Variants in CACNA2D1 observed in about 807,000 individuals in gnomAD.
CACNA2D1 encodes the protein calcium voltage-gated channel auxiliary subunit alpha2delta 1, also known as voltage-dependent calcium channel subunit alpha-2/delta-1.
A neutral mutation model predicts 171.5 loss-of-function variants in CACNA2D1; 53 were observed. That is an observed-to-expected ratio of 0.31 (90% CI 0.25 to 0.39). The LOEUF (loss-of-function observed/expected upper bound fraction) is 0.39. CACNA2D1 is among the 10% of genes least tolerant of loss of function. The pLI is 1.00. For synonymous variants in CACNA2D1, 442 were observed against 443.1 expected, an observed-to-expected ratio of 1.00 and a Z score of 0.03; for missense variants, 903 against 1,299.8, an observed-to-expected ratio of 0.69 and a Z score of 4.69.
intron 3 of CACNA2D1, among the ~76,000 whole-genome samples, chr7:82,291,022 A>G (rs1016847176): frequency 6.9e-6 from 1 of 145,054 alleles, no homozygotes; most frequent in African/African-American, 2.5e-5. Flanking sequence ...GTTGCCCAAG[A>G]TGGAGTACAG....
rs575183583 is a variant in CACNA2D1 at position 82,074,725 on chromosome 7, T to C, written c.659-8201A>G. 2.6e-3 allele frequency among the ~76,000 whole-genome samples: 396 copies of C among 152,326 alleles called. 4 individuals carry two copies. The highest frequency in any genetic ancestry group is 0.02 in the South Asian group (97 of 4,828). On this transcript the variant is annotated intron_variant, in intron 7 of 38. Coordinates refer to ENST00000356860, the MANE Select transcript of CACNA2D1 (RefSeq NM_000722.4). ...GTTCTTATCAGTCTTTCCTCCTTCG[T>C]CCAGACTTAATTACACTGATCTAAT... is the stretch of plus-strand genomic sequence containing the variant.
rs1806652375 is a variant in CACNA2D1, at chr7:82,060,223, A to AATT, written c.879+204_879+205insAAT. ...ATATTATATATATAATATATATATA[A>AATT]TATATATATATAATATGTATAAAAA... is the stretch of plus-strand genomic sequence containing the variant. On this transcript the variant is annotated intron_variant, in intron 10 of 38. Coordinates refer to ENST00000356860, the MANE Select transcript of CACNA2D1 (RefSeq NM_000722.4). Among the ~76,000 whole-genome samples the AATT allele has an allele frequency of 2.3e-4, 4 of 17,380 alleles. 1 individual carries two copies. In the South Asian group the frequency reaches 6.6e-3, roughly 29 times the overall value. 11.4% of individuals were successfully genotyped at this position (17,380 alleles called of 152,430 possible). A position where few individuals can be genotyped will look rare whatever the true frequency, so the allele number is the denominator to read the frequency against.
chr7:82,053,080 G>A (rs1343866161), intron 10 of CACNA2D1, among the ~76,000 whole-genome samples: 5 of 151,804 alleles, frequency 3.3e-5, no homozygotes, highest in Admixed American at 6.6e-5. Flanking sequence ...GTGAAACCCC[G>A]TCTCTACTAA....
At chr7:82,155,867 T>C (rs1285633216) in intron 4 of CACNA2D1, among the ~76,000 whole-genome samples, 1 of 152,208 alleles carries the variant, frequency 6.6e-6, no homozygotes, top group Non-Finnish European at 1.5e-5. Context: ...CAACTACAAG[T>C]TGAGGAAAAA....
At chr7:82,266,586 G>T (rs546975723) in intron 3 of CACNA2D1, among the ~76,000 whole-genome samples, 43 of 151,166 alleles carry the variant, frequency 2.8e-4, no homozygotes, top group Non-Finnish European at 3.8e-4. Flanking sequence ...GTGTGATCTC[G>T]GCTCACTGCA....
intron 6 of CACNA2D1, among the ~76,000 whole-genome samples, chr7:82,115,941 G>C (rs1178786166): frequency 6.6e-6 from 1 of 152,096 alleles, no homozygotes; most frequent in African/African-American, 2.4e-5. Flanking sequence ...CCATTTTACA[G>C]ATGAGAAAAT....
intron 1 of CACNA2D1, among the ~76,000 whole-genome samples, chr7:82,425,317 A>G (rs1166740824): frequency 3.9e-5 from 6 of 152,170 alleles, no homozygotes; most frequent in African/African-American, 1.4e-4. Flanking sequence ...AGGAGCAGGA[A>G]GTAGCCCCAT....
At chr7:82,090,253 C>A (rs766151222) in intron 6 of CACNA2D1, among the ~76,000 whole-genome samples, 2 of 151,782 alleles carry the variant, frequency 1.3e-5, no homozygotes, top group Non-Finnish European at 2.9e-5. Context: ...ATCTTTGTAC[C>A]CTTACCTATA....
At chr7:82,145,281 T>A (rs1292008351) in intron 4 of CACNA2D1, among the ~76,000 whole-genome samples, 3 of 144,460 alleles carry the variant, frequency 2.1e-5, no homozygotes, top group Non-Finnish European at 3.0e-5. Flanking sequence ...TAAAATAAAA[T>A]AAAAAATAAA....
At chr7:82,425,008 T>C (rs1182045103) in intron 1 of CACNA2D1, among the ~76,000 whole-genome samples, 1 of 152,206 alleles carries the variant, frequency 6.6e-6, no homozygotes, top group Non-Finnish European at 1.5e-5. Flanking sequence ...GAACCCATTC[T>C]CCTTGAGTGT....
intron 10 of CACNA2D1, among the ~76,000 whole-genome samples, chr7:82,041,361 C>T (rs1474345496): frequency 6.6e-6 from 1 of 152,040 alleles, no homozygotes; most frequent in Non-Finnish European, 1.5e-5. Flanking sequence ...ACATCAACTT[C>T]ATTATTCTAG....
chr7:81,981,205 C>T (rs1378371089), intron 24 of CACNA2D1, among the ~76,000 whole-genome samples: 1 of 152,134 alleles, frequency 6.6e-6, no homozygotes, highest in Non-Finnish European at 1.5e-5. Flanking sequence ...CCTAGGCTAG[C>T]ATCCTTTGCA....
At chr7:82,129,014 G>GTAAA (rs1279321125) in intron 5 of CACNA2D1, among the ~76,000 whole-genome samples, 3 of 152,220 alleles carry the variant, frequency 2.0e-5, no homozygotes, top group Middle Eastern at 3.4e-3. Context: ...TTAGCTTTGT[G>GTAAA]TAAGCATGCC....
At chr7:82,022,848 A>G (rs1019440396) in intron 12 of CACNA2D1, among the ~76,000 whole-genome samples, 7 of 151,902 alleles carry the variant, frequency 4.6e-5, no homozygotes, top group Non-Finnish European at 1.0e-4. Flanking sequence ...TTAGATGTGC[A>G]TTCTTTATTT....
At chr7:82,036,652 A>C (rs1359960423) in intron 11 of CACNA2D1, among the ~76,000 whole-genome samples, 2 of 152,162 alleles carry the variant, frequency 1.3e-5, no homozygotes. Flanking sequence ...GGTCCTGTTT[A>C]CTTCTATAAT....
intron 1 of CACNA2D1, among the ~76,000 whole-genome samples, chr7:82,406,831 AT>A (rs36046477): frequency 2.6e-5 from 4 of 151,910 alleles, no homozygotes; most frequent in Middle Eastern, 3.2e-3. Context: ...CAATCTTAGA[AT>A]TTTTTTGTCT....
rs766849009 is a variant in CACNA2D1 at position 82,117,045 on chromosome 7, G to T, written c.525C>A (p.Gly175=). 51 of 1,613,428 alleles carry T rather than the reference G, an allele frequency of 3.2e-5. No homozygotes were observed. Among genetic ancestry groups the T allele is most frequent in the Non-Finnish European group, 4.2e-5 (49 of 1,179,698 alleles). Residue 175 remains glycine (G), a splice_region_variant and synonymous_variant, in exon 6 of 39, where the codon GGC becomes GGA. Coordinates refer to ENST00000356860, the MANE Select transcript of CACNA2D1 (RefSeq NM_000722.4). ...AGATGTTAACATTCTTTTACTTACA[G>T]CCCTCATAGATGTCAGTAGGAATAT... ...AVHIPTDIYE[G]STIVLNELNW...
chr7:81,999,762 G>T (rs1562847039), intron 18 of CACNA2D1, among the ~76,000 whole-genome samples: 1 of 152,066 alleles, frequency 6.6e-6, no homozygotes, highest in Non-Finnish European at 1.5e-5. Flanking sequence ...AAAGAAACAT[G>T]CAAGGACAGT....
At chr7:82,351,726 A>G (rs1387912211) in intron 1 of CACNA2D1, among the ~76,000 whole-genome samples, 2 of 152,302 alleles carry the variant, frequency 1.3e-5, no homozygotes, top group East Asian at 3.9e-4. Flanking sequence ...AAATATTCTT[A>G]GTAAACATAG....
Sources: gnomAD v4.1 joint callset for allele counts (sites outside exome capture counted in the v4.1 genomes callset) on GRCh38, gnomAD v4.1.1 for gene constraint, MANE v1.5 for transcripts, NCBI Gene and HGNC (gene_info 2026-07-23, HGNC 2026-07-21) for gene names.